Variants in F13A1 observed in about 807,000 individuals in gnomAD.
The protein encoded by F13A1 is coagulation factor XIII A chain.
Under a neutral mutation model 80.1 loss-of-function variants are expected in F13A1, and 47 were observed. That is an observed-to-expected ratio of 0.59 (90% CI 0.46 to 0.75). The LOEUF (loss-of-function observed/expected upper bound fraction) is 0.75, where lower values mean the gene tolerates loss of function less well. F13A1 is among the 30% of genes least tolerant of loss of function. The probability of loss-of-function intolerance (pLI) is 0.00; values close to 1 mark genes in which losing one functional copy is unlikely to be tolerated. For missense variants in F13A1, 817 were observed against 930.4 expected (o/e 0.88, Z 1.59); for synonymous variants, 349 against 344.9 (o/e 1.01, Z -0.13).
intron 3 of F13A1, among the ~76,000 whole-genome samples, chr6:6,285,597 C>T (rs990499106): frequency 6.6e-6 from 1 of 152,220 alleles, no homozygotes; most frequent in East Asian, 1.9e-4. Context: ...CCAAGGGTAA[C>T]TCCCATTACT....
At chr6:6,282,802 T>C (rs1431190976) in intron 3 of F13A1, among the ~76,000 whole-genome samples, 1 of 152,190 alleles carries the variant, frequency 6.6e-6, no homozygotes, top group Non-Finnish European at 1.5e-5. Flanking sequence ...CCCATCCCTT[T>C]GTCCTCATCT....
At chr6:6,257,932 C>A (rs927715405) in intron 4 of F13A1, among the ~76,000 whole-genome samples, 4 of 152,184 alleles carry the variant, frequency 2.6e-5, no homozygotes, top group Non-Finnish European at 4.4e-5. Context: ...CTAAGGGAGC[C>A]TGTGCCCTTG....
chr6:6,314,926 A>T (rs111614893), intron 2 of F13A1, among the ~76,000 whole-genome samples: 75 of 152,348 alleles, frequency 4.9e-4, no homozygotes, highest in African/African-American at 1.7e-3. Flanking sequence ...CACAAAGAGG[A>T]GGTTTATCAT....
At chr6:6,197,376 C>A (rs768792135) in intron 8 of F13A1, 50 bp from the exon 9 acceptor site, 1 of 1,549,960 alleles carries the variant, frequency 6.5e-7, no homozygotes, top group South Asian at 1.1e-5. Context: ...ACACCCAATG[C>A]TCCAAGAGAT....
chr6:6,303,217 T>C (rs918699361), intron 3 of F13A1, among the ~76,000 whole-genome samples: 1 of 152,230 alleles, frequency 6.6e-6, no homozygotes, highest in Non-Finnish European at 1.5e-5. Context: ...CTCTTACTTA[T>C]TATTTCTTTG....
chr6:6,222,066 T>C lies in F13A1; in HGVS notation c.1079A>G (p.Asn360Ser). 1 of 1,614,034 alleles carries C rather than the reference T, an allele frequency of 6.2e-7. No individual in the cohort carries two copies. The highest frequency in any genetic ancestry group is 8.5e-7 in the Non-Finnish European group (1 of 1,179,940). The change falls in exon 8 of 15, where the codon AAC becomes AGC. Residue 360 changes from asparagine (N) to serine (S), a missense_variant. Coordinates refer to ENST00000264870, the MANE Select transcript of F13A1 (RefSeq NM_000129.4). ...ATCCTTGGTGAGTTTGGAATTCACGTTCCCATCTTCTTCCAGGAAGATGTC... is the reference window on the plus strand; with the variant it reads ...ATCCTTGGTGAGTTTGGAATTCACGCTCCCATCTTCTTCCAGGAAGATGTC... Reference protein sequence around the residue: ...QMDIFLEEDGNVNSKLTKDSV... With the variant: ...QMDIFLEEDGSVNSKLTKDSV...
intron 8 of F13A1, among the ~76,000 whole-genome samples, chr6:6,210,319 C>A: frequency 9.1e-5 from 5 of 54,992 alleles, no homozygotes; most frequent in African/African-American, 1.7e-4. Flanking sequence ...AATTTTGTAG[C>A]ATGTGATATA....
chr6:6,316,464 AT>A (rs942505533), intron 2 of F13A1, among the ~76,000 whole-genome samples: 2 of 151,902 alleles, frequency 1.3e-5, no homozygotes, highest in African/African-American at 4.8e-5. Flanking sequence ...ATAATGACTG[AT>A]TTTTTCAGAG....
intron 2 of F13A1, among the ~76,000 whole-genome samples, chr6:6,306,680 A>G (rs1404007163): frequency 6.6e-6 from 1 of 152,226 alleles, no homozygotes; most frequent in African/African-American, 2.4e-5. Flanking sequence ...GGAGGGTAGA[A>G]GGGTCGGCAG....
intron 2 of F13A1, among the ~76,000 whole-genome samples, chr6:6,310,034 A>G (rs1483431705): frequency 6.6e-6 from 1 of 152,206 alleles, no homozygotes; most frequent in Non-Finnish European, 1.5e-5. Flanking sequence ...TCTCATTGCA[A>G]ATGAAAACCT....
At chr6:6,305,644 G>T (rs1311110004) in intron 2 of F13A1, 105 bp from the exon 3 acceptor site, 6 of 1,170,248 alleles carry the variant, frequency 5.1e-6, no homozygotes. Context: ...AGGTAGCAAG[G>T]TCTGCTGAAT....
At chr6:6,207,355 C>A (rs1247484012) in intron 8 of F13A1, among the ~76,000 whole-genome samples, 1 of 152,166 alleles carries the variant, frequency 6.6e-6, no homozygotes, top group Non-Finnish European at 1.5e-5. Context: ...TGATCTGATT[C>A]ACAGCTCATT....
rs1290160830 is a variant in F13A1, at chr6:6,244,151, C to T, written c.798+4161G>A. Among the ~76,000 whole-genome samples, 3 of 152,158 alleles carry T rather than the reference C, an allele frequency of 2.0e-5. No individual in the cohort carries two copies. The East Asian group carries it at 5.8e-4, about 29-fold the overall frequency. The stretch of plus-strand genomic sequence containing the variant: ...CTTATTCACAGAAACTTGGGGCTAG[C>T]AATAGAATGCTTTATTAATGCCATG... On this transcript the variant is annotated intron_variant, in intron 6 of 14. Coordinates refer to ENST00000264870, the MANE Select transcript of F13A1 (RefSeq NM_000129.4).
intron 7 of F13A1, among the ~76,000 whole-genome samples, chr6:6,224,062 CAT>C (rs1757238130): frequency 6.6e-6 from 1 of 152,184 alleles, no homozygotes; most frequent in Non-Finnish European, 1.5e-5. Flanking sequence ...ATTCTGTTCT[CAT>C]ATGCTTTCCT....
chr6:6,191,052 C>G (rs1034307328), intron 10 of F13A1, among the ~76,000 whole-genome samples: 1 of 152,208 alleles, frequency 6.6e-6, no homozygotes, highest in Non-Finnish European at 1.5e-5. Flanking sequence ...TTGTGCTTCC[C>G]GAGTGAGGCA....
intron 10 of F13A1, among the ~76,000 whole-genome samples, chr6:6,193,493 A>C (rs1761237639): frequency 6.6e-6 from 1 of 152,168 alleles, no homozygotes; most frequent in African/African-American, 2.4e-5. Context: ...AAGATTCCTC[A>C]TACACTTTTC....
In F13A1 at chr6:6,160,908, T is replaced by C. The variant is rs569477281; in HGVS notation, c.1908+6550A>G. Reference sequence around the variant, plus strand: ...ATCTGTTTGCTTATGCTTGTAACTTTAAAAATCACACACATAAAAAATGGT... The same window carrying C: ...ATCTGTTTGCTTATGCTTGTAACTTCAAAAATCACACACATAAAAAATGGT... On this transcript the variant is annotated intron_variant, in intron 13 of 14. Coordinates refer to ENST00000264870, the MANE Select transcript of F13A1 (RefSeq NM_000129.4). 1.8e-4 allele frequency among the ~76,000 whole-genome samples: 27 copies of C among 152,220 alleles called. No homozygotes were observed. The Middle Eastern group carries it at 0.01, about 58-fold the overall frequency.
chr6:6,300,703 T>C (rs535484686), intron 3 of F13A1, among the ~76,000 whole-genome samples: 2 of 152,304 alleles, frequency 1.3e-5, no homozygotes, highest in East Asian at 3.9e-4. Flanking sequence ...CACTGTCTTC[T>C]GGGTCGCTCA....
intron 14 of F13A1, among the ~76,000 whole-genome samples, chr6:6,147,517 A>G (rs1760306233): frequency 6.6e-6 from 1 of 152,148 alleles, no homozygotes; most frequent in Admixed American, 6.5e-5. Flanking sequence ...TTCAATACCA[A>G]TATAAGTTTG....
Sources: gnomAD v4.1 joint callset for allele counts (sites outside exome capture counted in the v4.1 genomes callset) on GRCh38, gnomAD v4.1.1 for gene constraint, MANE v1.5 for transcripts, NCBI Gene and HGNC (gene_info 2026-07-23, HGNC 2026-07-21) for gene names.